The following DGKB variants were observed in gnomAD, a reference collection of about 807,000 sequenced individuals.
DGKB encodes diacylglycerol kinase beta, also known as 90 kDa diacylglycerol kinase.
A neutral mutation model predicts 114.3 loss-of-function variants in DGKB; 67 were observed. The observed-to-expected ratio is 0.59, with a 90% confidence interval of 0.48 to 0.72. DGKB has a LOEUF of 0.72. Among genes scored for constraint, DGKB ranks in the 30% least tolerant of loss-of-function variants. The pLI, the probability that DGKB is intolerant of heterozygous loss-of-function variation, is 0.00. For missense variants in DGKB, 907 were observed against 975.2 expected, an observed-to-expected ratio of 0.93 and a Z score of 0.93; for synonymous variants, 398 against 323.1, an observed-to-expected ratio of 1.23 and a Z score of -2.49.
At chr7:14,951,554 A>C (rs57935349) in intron 1 of DGKB, among the ~76,000 whole-genome samples, 4,514 of 152,102 alleles carry the variant, frequency 0.03, 220 homozygotes, top group African/African-American at 0.1. Context: ...TAGGGCAGTA[A>C]AATTATTCTA....
intron 21 of DGKB, among the ~76,000 whole-genome samples, chr7:14,370,330 C>T (rs935739167): frequency 7.3e-5 from 11 of 151,610 alleles, no homozygotes; most frequent in African/African-American, 2.7e-4. Flanking sequence ...TTACTGTAGC[C>T]TTGTAGTATA....
intron 1 of DGKB, among the ~76,000 whole-genome samples, chr7:14,938,835 A>G (rs1220210038): frequency 3.9e-5 from 6 of 152,198 alleles, no homozygotes. Flanking sequence ...ATAGTATCAT[A>G]AAAATTAAAA....
chr7:14,349,897 C>T (rs1813138735), intron 21 of DGKB, among the ~76,000 whole-genome samples: 1 of 152,086 alleles, frequency 6.6e-6, no homozygotes. Context: ...GACATTTAAC[C>T]TATTGTGAAA....
At position 14,728,827 on chromosome 7, in the gene DGKB, C is replaced by A. The variant is rs372771555; in HGVS notation, c.322+7214G>T. Among the ~76,000 whole-genome samples, 450 of 151,850 alleles carry A rather than the reference C, an allele frequency of 3.0e-3. 3 individuals are homozygous for A. The highest frequency in any genetic ancestry group is 0.01 in the African/African-American group (428 of 41,410). ...AAGCAATTCTCCTGCCTCAGCCTCCCGAGTAACTAGGATTACAGGTGTGCA... is the reference window on the plus strand; with the variant it reads ...AAGCAATTCTCCTGCCTCAGCCTCCAGAGTAACTAGGATTACAGGTGTGCA... On this transcript the variant is annotated intron_variant, in intron 5 of 25. Coordinates refer to ENST00000402815, the MANE Select transcript of DGKB (RefSeq NM_001350709.2).
intron 21 of DGKB, among the ~76,000 whole-genome samples, chr7:14,387,197 G>T (rs761787049): frequency 6.6e-6 from 1 of 152,006 alleles, no homozygotes; most frequent in East Asian, 1.9e-4. Flanking sequence ...GCCAAGTTGC[G>T]TGGATCACGA....
intron 8 of DGKB, among the ~76,000 whole-genome samples, chr7:14,696,339 A>C (rs985140191): frequency 5.3e-5 from 8 of 150,536 alleles, no homozygotes; most frequent in African/African-American, 9.8e-5. Flanking sequence ...TAAAAATACA[A>C]AAAAAATTAG....
chr7:14,574,380 G>GAAA lies in DGKB; in HGVS notation c.1610-11_1610-9dup. ...GATTCTCACCTTCGTAACCTAGTGG[G>GAAA]AAAAAAAAATACCTTGAGAAAAGAA... is the stretch of plus-strand genomic sequence containing the variant. On this transcript the variant is annotated splice_polypyrimidine_tract_variant and intron_variant, in intron 19 of 25. Coordinates refer to ENST00000402815, the MANE Select transcript of DGKB (RefSeq NM_001350709.2). 1 of 1,564,846 alleles carries GAAA rather than the reference G, an allele frequency of 6.4e-7. No homozygotes were observed. The highest frequency in any genetic ancestry group is 1.4e-5 in the African/African-American group (1 of 71,970).
intron 20 of DGKB, among the ~76,000 whole-genome samples, chr7:14,548,905 T>G (rs1438009190): frequency 6.6e-6 from 1 of 151,728 alleles, no homozygotes; most frequent in Non-Finnish European, 1.5e-5. Context: ...TAGTGGGGAT[T>G]TGTGAAATGC....
At chr7:14,331,542 C>T (rs1312804456) in intron 23 of DGKB, among the ~76,000 whole-genome samples, 2 of 151,954 alleles carry the variant, frequency 1.3e-5, no homozygotes, top group Non-Finnish European at 2.9e-5. Context: ...GACAAATGTC[C>T]ATTGCCATCA....
chr7:14,511,784 G>T (rs947922309), intron 20 of DGKB, among the ~76,000 whole-genome samples: 2 of 152,068 alleles, frequency 1.3e-5, no homozygotes, highest in Non-Finnish European at 2.9e-5. Flanking sequence ...AATACTTAGA[G>T]GCCACGGTAG....
chr7:14,436,042 T>C (rs945178924), intron 21 of DGKB, among the ~76,000 whole-genome samples: 4 of 152,064 alleles, frequency 2.6e-5, no homozygotes, highest in Non-Finnish European at 4.4e-5. Flanking sequence ...GCCTAATTTT[T>C]CCCATTGTAT....
chr7:14,491,234 A>G lies in DGKB; in HGVS notation c.1771-13009T>C, dbSNP rs62443474. ...TTTAATCATGGGGGCTTTTTCCCCT[A>G]TATTGTCCTCATGTAGTGAATAAAT... On this transcript the variant is annotated intron_variant, in intron 20 of 25. Coordinates refer to ENST00000402815, the MANE Select transcript of DGKB (RefSeq NM_001350709.2). Among the ~76,000 whole-genome samples the G allele has an allele frequency of 5.3e-3, 805 of 152,084 alleles. 4 individuals are homozygous for G. The highest frequency in any genetic ancestry group is 0.017 in the Middle Eastern group (5 of 294).
At chr7:14,487,583 CTTTTTTTTT>C (rs11433526) in intron 20 of DGKB, among the ~76,000 whole-genome samples, 1 of 125,902 alleles carries the variant, frequency 7.9e-6, no homozygotes, top group East Asian at 2.3e-4. Context: ...AAGAAAATTC[CTTTTTTTTT>C]TTTTTTTTTG....
chr7:14,400,612 T>C (rs1394283948), intron 21 of DGKB, among the ~76,000 whole-genome samples: 4 of 151,688 alleles, frequency 2.6e-5, no homozygotes, highest in South Asian at 4.1e-4. Context: ...CAGTATTTAA[T>C]GGAGATCAAA....
chr7:14,554,177 T>C (rs1039275350), intron 20 of DGKB, among the ~76,000 whole-genome samples: 7 of 152,010 alleles, frequency 4.6e-5, no homozygotes, highest in African/African-American at 1.7e-4. Context: ...CGGCCTTCCT[T>C]TACATGTTTT....
At chr7:14,468,180 A>G (rs1002731248) in intron 21 of DGKB, among the ~76,000 whole-genome samples, 3 of 152,208 alleles carry the variant, frequency 2.0e-5, no homozygotes, top group African/African-American at 4.8e-5. Context: ...ACTCTAGTCA[A>G]TTCCAAATAC....
intron 12 of DGKB, among the ~76,000 whole-genome samples, chr7:14,676,464 A>C (rs1334352944): frequency 1.3e-5 from 2 of 152,114 alleles, no homozygotes; most frequent in Admixed American, 6.6e-5. Context: ...AAATGCTTGA[A>C]AGGATGGATA....
intron 5 of DGKB, among the ~76,000 whole-genome samples, chr7:14,719,367 G>A (rs190868577): frequency 9.5e-4 from 137 of 143,656 alleles, no homozygotes; most frequent in African/African-American, 3.3e-3. Context: ...AAGGATATAG[G>A]TTGCTTATTA....
intron 23 of DGKB, among the ~76,000 whole-genome samples, chr7:14,189,452 A>AAAACC (rs1783989053): frequency 2.6e-5 from 4 of 152,160 alleles, no homozygotes; most frequent in Admixed American, 6.5e-5. Flanking sequence ...AGCACCACAG[A>AAAACC]AAACCACCAA....
Sources: gnomAD v4.1 joint callset for allele counts (sites outside exome capture counted in the v4.1 genomes callset) on GRCh38, gnomAD v4.1.1 for gene constraint, MANE v1.5 for transcripts, NCBI Gene and HGNC (gene_info 2026-07-23, HGNC 2026-07-21) for gene names.